Variants in BAG3 observed in about 807,000 individuals in gnomAD.
BAG3 encodes the protein BAG cochaperone 3.
In BAG3, 14 loss-of-function variants were observed where a neutral mutation model predicts 40.5. The observed-to-expected ratio is 0.35, with a 90% CI of 0.23 to 0.54. The LOEUF is 0.54. Ranked by LOEUF, BAG3 falls within the 20% of genes least tolerant of loss-of-function variation. The pLI is 0.91. For missense variants in BAG3, 788 were observed against 758.6 expected, an observed-to-expected ratio of 1.04 and a Z score of -0.46; for synonymous variants, 302 against 307.8, an observed-to-expected ratio of 0.98 and a Z score of 0.20.
intron 3 of BAG3, among the ~76,000 whole-genome samples, chr10:119,673,695 T>G (rs1479681682): frequency 6.6e-6 from 1 of 152,260 alleles, no homozygotes; most frequent in African/African-American, 2.4e-5. Context: ...CACCCTCATC[T>G]TAAAATGTTG....
chr10:119,670,046 G>T lies in BAG3; in HGVS notation c.376G>T (p.Ala126Ser). 1 of 1,614,208 alleles carries T rather than the reference G, an allele frequency of 6.2e-7. No homozygotes were observed. Among genetic ancestry groups the T allele is most frequent in the Non-Finnish European group, 8.5e-7 (1 of 1,180,032 alleles). ...TGGGATGCAGCGATTCCGAACTGAG[G>T]CGGCAGCAGCGGCTCCTCAGAGGTC... ...QPGMQRFRTE[A>S]AAAAPQRSQS... Residue 126 changes from alanine to serine, a missense_variant, in exon 2 of 4, where the codon GCG (alanine) becomes TCG (serine). Transcript: ENST00000369085.
At chr10:119,659,217 T>C (rs554682638) in intron 1 of BAG3, among the ~76,000 whole-genome samples, 4 of 152,330 alleles carry the variant, frequency 2.6e-5, no homozygotes, top group African/African-American at 9.6e-5. Flanking sequence ...CGTCCATAGA[T>C]GCATCTCCCC....
In BAG3 at chr10:119,672,332, C is replaced by T. The variant is rs1286023578; in HGVS notation, c.585C>T (p.Ser195=). The T allele has an allele frequency of 5.0e-6, 8 of 1,613,958 alleles. No homozygotes were observed. In the Admixed American group the frequency reaches 1.3e-4, roughly 27 times the overall value. Residue 195 remains serine (S), a synonymous_variant, in exon 3 of 4, where the codon AGC becomes AGT. Coordinates refer to ENST00000369085, the MANE Select transcript of BAG3 (RefSeq NM_004281.4). This position sits in a 1 kb window ranked among gnomAD's most constrained non-coding sequence, Gnocchi z 4.8. ...GCCTGCCTTCCTCCGGCAGGAGCAG[C>T]CTGGGCAGTCACCAGCTCCCGCGGG... The part of the protein sequence containing the change: ...SASLPSSGRS[S]LGSHQLPRGY...
intron 1 of BAG3, among the ~76,000 whole-genome samples, chr10:119,668,913 G>A (rs196324): frequency 0.075 from 11,454 of 152,230 alleles, 490 homozygotes; most frequent in South Asian, 0.1. Flanking sequence ...AATACAACAC[G>A]GGCGATTGGG....
At chr10:119,661,878 A>G (rs1270501126) in intron 1 of BAG3, among the ~76,000 whole-genome samples, 1 of 152,158 alleles carries the variant, frequency 6.6e-6, no homozygotes, top group African/African-American at 2.4e-5. Flanking sequence ...ATTACAATCC[A>G]GTGGGGACTG....
intron 3 of BAG3, among the ~76,000 whole-genome samples, chr10:119,673,131 G>A (rs1323941564): frequency 2.6e-5 from 4 of 152,066 alleles, no homozygotes; most frequent in African/African-American, 2.4e-5. Context: ...TGAAATGCCC[G>A]CACAGTATAG....
chr10:119,665,132 A>ATT (rs1564771788), intron 1 of BAG3, among the ~76,000 whole-genome samples: 6 of 56,490 alleles, frequency 1.1e-4, no homozygotes, highest in African/African-American at 3.0e-4. Flanking sequence ...GTGTGTATAT[A>ATT]TATATATATA....
At chr10:119,658,921 G>A (rs1265724726) in intron 1 of BAG3, among the ~76,000 whole-genome samples, 1 of 152,190 alleles carries the variant, frequency 6.6e-6, no homozygotes, top group Non-Finnish European at 1.5e-5. Flanking sequence ...GTAGAAGTGT[G>A]TTTGTGGATA....
At chr10:119,664,896 T>C (rs951098077) in intron 1 of BAG3, among the ~76,000 whole-genome samples, 1 of 152,166 alleles carries the variant, frequency 6.6e-6, no homozygotes, top group Non-Finnish European at 1.5e-5. Flanking sequence ...GCAATTTAAC[T>C]CTTCCAGGTG....
chr10:119,664,336 T>G (rs1455742959), intron 1 of BAG3, among the ~76,000 whole-genome samples: 1 of 152,170 alleles, frequency 6.6e-6, no homozygotes, highest in African/African-American at 2.4e-5. Flanking sequence ...TGCCTCAGAT[T>G]TTTCAGATTT....
chr10:119,651,878 C>T (rs778790962), intron 1 of BAG3, 23 bp downstream of exon 1: 2 of 1,515,448 alleles, frequency 1.3e-6, no homozygotes, highest in Non-Finnish European at 1.8e-6. Context: ...CGCGGCCCGC[C>T]CTGGTCGGTG....
Position 119,672,276 on chromosome 10 carries a change from T to C in BAG3, c.529T>C (p.Ser177Pro), listed in dbSNP as rs1420081154. The C allele has an allele frequency of 2.5e-6, 4 of 1,613,618 alleles. No individual in the cohort carries two copies. In the African/African-American group the frequency reaches 5.3e-5, roughly 22 times the overall value. ...GPERSQSPAASDCSSSSSSAS... is the reference protein window; with the variant it reads ...GPERSQSPAAPDCSSSSSSAS... ...GCAGCGGTCCCAGTCTCCAGCTGCC[T>C]CTGACTGCTCATCCTCATCCTCCTC... The change falls in exon 3 of 4, where the codon TCT becomes CCT. Residue 177 changes from serine to proline, a missense_variant. Ser to Pro is a moderately conservative substitution (Grantham distance 74). Transcript: ENST00000369085. The surrounding 1 kb of genome is among the most constrained non-coding windows in gnomAD (Gnocchi z 4.8).
chr10:119,665,140 A>AT (rs1491344342), intron 1 of BAG3, among the ~76,000 whole-genome samples: 2 of 84,366 alleles, frequency 2.4e-5, no homozygotes, highest in South Asian at 3.7e-4. Flanking sequence ...ATATATATAT[A>AT]TATATTTTTT....
chr10:119,667,828 A>G (rs1436230898), intron 1 of BAG3, among the ~76,000 whole-genome samples: 7 of 152,202 alleles, frequency 4.6e-5, no homozygotes, highest in Non-Finnish European at 1.0e-4. Flanking sequence ...AGAAACAATG[A>G]GCCCCTGGGC....
intron 1 of BAG3, among the ~76,000 whole-genome samples, chr10:119,662,748 C>G (rs1173648345): frequency 6.6e-6 from 1 of 152,082 alleles, no homozygotes; most frequent in Non-Finnish European, 1.5e-5. Flanking sequence ...GGCGTGGTGG[C>G]TCACGCCTGT....
intron 1 of BAG3, among the ~76,000 whole-genome samples, chr10:119,662,391 T>A (rs11597623): frequency 0.22 from 32,789 of 151,654 alleles, 3,716 homozygotes; most frequent in Non-Finnish European, 0.26. Flanking sequence ...TGGAAGAAAG[T>A]GTGTTTTGTT....
rs572181587 is a variant in BAG3, at chr10:119,677,362, A to G, written c.*80A>G. 633 of 1,575,640 alleles carry G rather than the reference A, an allele frequency of 4.0e-4. No individual in the cohort carries two copies. The highest frequency in any genetic ancestry group is 5.3e-4 in the Non-Finnish European group (609 of 1,154,376). On this transcript the variant is annotated 3_prime_UTR_variant, in exon 4 of 4. Coordinates refer to ENST00000369085, the MANE Select transcript of BAG3 (RefSeq NM_004281.4). Reference sequence around the variant, plus strand: ...AGTTGCATGCATTTCAGAGACTTTAAGTCAGTTGGTTTTTATTAGCTGCTT... The same window carrying G: ...AGTTGCATGCATTTCAGAGACTTTAGGTCAGTTGGTTTTTATTAGCTGCTT...
intron 1 of BAG3, among the ~76,000 whole-genome samples, chr10:119,664,914 T>TTG (rs909640839): frequency 2.0e-5 from 3 of 151,928 alleles, no homozygotes; most frequent in African/African-American, 4.8e-5. Flanking sequence ...GTGGTGTTTT[T>TTG]TGTGTGTGTG....
Position 119,672,015 on chromosome 10 carries a change from CT to C in BAG3, c.508-239del, listed in dbSNP as rs1247464044. Among the ~76,000 whole-genome samples, 3 of 152,242 alleles carry C rather than the reference CT, an allele frequency of 2.0e-5. No individual in the cohort carries two copies. The highest frequency in any genetic ancestry group is 6.5e-5 in the Admixed American group (1 of 15,278). ...TGTTGGCCAGGCTGCTCTTGAACTC[CT>C]GACCTCAGGTGGTCCACTCACCTAG... On this transcript the variant is annotated intron_variant, in intron 2 of 3. Transcript: ENST00000369085. This position sits in a 1 kb window ranked among gnomAD's most constrained non-coding sequence, Gnocchi z 4.8.
Sources: gnomAD v4.1 joint callset for allele counts (sites outside exome capture counted in the v4.1 genomes callset) on GRCh38, gnomAD v4.1.1 for gene constraint, Gnocchi (gnomAD v3.1) non-coding constraint, MANE v1.5 for transcripts, NCBI Gene and HGNC (gene_info 2026-07-23, HGNC 2026-07-21) for gene names.